Variants in MYOF observed in about 807,000 individuals in gnomAD.
MYOF encodes fer-1-like 3, myoferlin.
Under a neutral mutation model 284.2 loss-of-function variants are expected in MYOF, and 244 were observed. The observed-to-expected ratio is 0.86, with a 90% CI of 0.77 to 0.95. The LOEUF is 0.95. Ranked by LOEUF, MYOF falls within the 40% of genes least tolerant of loss-of-function variation. The pLI, the probability that MYOF is intolerant of heterozygous loss-of-function variation, is 0.00. For synonymous variants in MYOF, 904 were observed against 919.7 expected (o/e 0.98, Z 0.31); for missense variants, 2,496 against 2,560.6 (o/e 0.97, Z 0.54).
intron 5 of MYOF, among the ~76,000 whole-genome samples, chr10:93,420,182 C>T (rs1273772899): frequency 6.6e-6 from 1 of 152,180 alleles, no homozygotes; most frequent in Non-Finnish European, 1.5e-5. Context: ...GCAGTGAAGT[C>T]TGGCTATGAA....
intron 48 of MYOF, among the ~76,000 whole-genome samples, chr10:93,322,482 A>G (rs1842885699): frequency 6.6e-6 from 1 of 152,228 alleles, no homozygotes; most frequent in South Asian, 2.1e-4. Context: ...CGCAACATCT[A>G]TGATCGAGGC....
rs781299458 is a variant in MYOF at position 93,329,820 on chromosome 10, C to G, written c.4826G>C (p.Ser1609Thr). 7 of 1,614,154 alleles carry G rather than the reference C, an allele frequency of 4.3e-6. No homozygotes were observed. The Admixed American group carries it at 1.2e-4, about 27-fold the overall frequency. Residue 1609 changes from serine (S) to threonine (T), a missense_variant, in exon 44 of 54, where the codon AGC becomes ACC. Ser to Thr is a moderately conservative substitution (Grantham distance 58). Coordinates refer to ENST00000359263, the MANE Select transcript of MYOF (RefSeq NM_013451.4). The stretch of plus-strand genomic sequence containing the variant: ...GTCTTTTTCTTGAGGTAAGTAGCAG[C>G]TCAGTTCGTACATCCTAAATAAACA... Reference protein sequence around the residue: ...NPVFGRMYELSCYLPQEKDLK... With the variant: ...NPVFGRMYELTCYLPQEKDLK...
In MYOF at chr10:93,347,728, G is replaced by A. The variant is rs946669732; in HGVS notation, c.4138C>T (p.His1380Tyr). ...MPPLVIKVID[H>Y]RQFGRKPVVG... Reference sequence around the variant, plus strand: ...ACAGGCTTCCGCCCAAACTGCCTGTGGTCGATGACCTTGATCACCAGTGGG... The same window carrying A: ...ACAGGCTTCCGCCCAAACTGCCTGTAGTCGATGACCTTGATCACCAGTGGG... Residue 1380 changes from histidine to tyrosine, a missense_variant, in exon 37 of 54, where the codon CAC becomes TAC. Around this residue, in one of 3 missense-constraint regions of MYOF, gnomAD observed 2,436 missense variants for 2,480.7 expected, o/e 0.98. Coordinates refer to ENST00000359263, the MANE Select transcript of MYOF (RefSeq NM_013451.4). 1.2e-6 allele frequency: 2 copies of A among 1,614,136 alleles called. No homozygotes were observed. Among genetic ancestry groups the A allele is most frequent in the Non-Finnish European group, 1.7e-6 (2 of 1,180,026 alleles).
Position 93,456,876 on chromosome 10 carries a change from A to C in MYOF, c.144+6T>G, listed in dbSNP as rs780353918. The C allele has an allele frequency of 3.1e-6, 5 of 1,597,702 alleles. No homozygotes were observed. Among genetic ancestry groups the C allele is most frequent in the Non-Finnish European group, 4.3e-6 (5 of 1,170,234 alleles). On this transcript the variant is annotated splice_donor_region_variant and intron_variant, in intron 2 of 53. Coordinates refer to ENST00000359263, the MANE Select transcript of MYOF (RefSeq NM_013451.4). Reference sequence around the variant, plus strand: ...TAAAACAAAGTTGAAAAAACAATGAAGTCACCTCATTCCAGACAGGGTTCA... The same window carrying C: ...TAAAACAAAGTTGAAAAAACAATGACGTCACCTCATTCCAGACAGGGTTCA...
intron 1 of MYOF, among the ~76,000 whole-genome samples, chr10:93,469,265 G>A (rs1389352997): frequency 6.6e-6 from 1 of 152,122 alleles, no homozygotes; most frequent in Non-Finnish European, 1.5e-5. Context: ...GCCGGGCATG[G>A]TGGTGCACTC....
intron 51 of MYOF, among the ~76,000 whole-genome samples, chr10:93,311,361 G>A (rs1817312346): frequency 6.6e-6 from 1 of 151,698 alleles, no homozygotes; most frequent in African/African-American, 2.4e-5. Flanking sequence ...TGTAATCCCA[G>A]TGCTTTGGGA....
chr10:93,324,694 G>A (rs1409109448), intron 46 of MYOF: 1 of 152,188 alleles, frequency 6.6e-6, no homozygotes, highest in African/African-American at 2.4e-5. Flanking sequence ...AACCTAGAAA[G>A]CCCAGGCCAA....
intron 22 of MYOF, 59 bp downstream of exon 22, chr10:93,377,264 A>T (rs750679602): frequency 3.6e-4 from 427 of 1,175,480 alleles, no homozygotes; most frequent in Non-Finnish European, 4.9e-4. Context: ...TTACAGTCTT[A>T]GAATTTCAGG....
chr10:93,404,114 C>G, intron 8 of MYOF, 41 bp from the exon 9 acceptor site: 1 of 1,613,984 alleles, frequency 6.2e-7, no homozygotes. Context: ...TTGGCTTTGC[C>G]TGGCAGTGAG....
intron 3 of MYOF, among the ~76,000 whole-genome samples, chr10:93,434,802 T>C (rs1225034497): frequency 6.6e-6 from 1 of 152,214 alleles, no homozygotes; most frequent in Non-Finnish European, 1.5e-5. Flanking sequence ...TAGGCTTTTT[T>C]ACAGGAGTAT....
intron 38 of MYOF, 125 bp downstream of exon 38, chr10:93,343,731 A>G (rs537394663): frequency 9.3e-6 from 9 of 963,582 alleles, no homozygotes; most frequent in East Asian, 4.9e-5. Context: ...TCAGTCCTCA[A>G]TAAATGGATT....
chr10:93,445,078 A>G (rs61867761), intron 3 of MYOF, among the ~76,000 whole-genome samples: 27,347 of 152,260 alleles, frequency 0.18, 2,913 homozygotes, highest in Middle Eastern at 0.27. Context: ...ATACACTGAT[A>G]TTGAGAATTA....
At chr10:93,332,107 C>T (rs772720962) in intron 43 of MYOF, among the ~76,000 whole-genome samples, 27 of 152,118 alleles carry the variant, frequency 1.8e-4, no homozygotes, top group Non-Finnish European at 3.1e-4. Flanking sequence ...CCTGTACAGT[C>T]GGGTTGGTAA....
intron 45 of MYOF, among the ~76,000 whole-genome samples, chr10:93,328,088 C>T (rs116072656): frequency 1.4e-3 from 215 of 152,230 alleles, no homozygotes; most frequent in African/African-American, 5.0e-3. Context: ...TCGTTTTTTA[C>T]AATGTCACGA....
Position 93,359,896 on chromosome 10 carries a change from T to C in MYOF, c.3057A>G (p.Arg1019=). ...TGCGTTTTCGGACCAGCCTTCGCCG[T>C]CTATGAGTGTGGTACATTTTCTCTG... ...VAAEKMYHTH[R]RRRLVRKRKK... Residue 1019 remains arginine (R), a synonymous_variant, in exon 29 of 54, where the codon AGA becomes AGG. Transcript: ENST00000359263. 1.9e-6 allele frequency: 3 copies of C among 1,614,128 alleles called. No individual in the cohort carries two copies. In the South Asian group the frequency reaches 3.3e-5, roughly 18 times the overall value.
At chr10:93,338,920 A>G (rs1015156207) in intron 39 of MYOF, among the ~76,000 whole-genome samples, 1 of 149,658 alleles carries the variant, frequency 6.7e-6, no homozygotes, top group Non-Finnish European at 1.5e-5. Flanking sequence ...TGGAAATAAT[A>G]ACGCCAAAAA....
chr10:93,411,526 C>T (rs11187416), intron 5 of MYOF, among the ~76,000 whole-genome samples: 11,772 of 152,226 alleles, frequency 0.077, 1,393 homozygotes, highest in East Asian at 0.64. Flanking sequence ...ATTCAGACCA[C>T]TGCAATTGGA....
At chr10:93,447,024 G>C (rs970662961) in intron 3 of MYOF, among the ~76,000 whole-genome samples, 4 of 152,082 alleles carry the variant, frequency 2.6e-5, no homozygotes, top group African/African-American at 9.7e-5. Flanking sequence ...GCCTCGTTTG[G>C]TCTTTATACT....
Position 93,333,219 on chromosome 10 carries a change from A to C in MYOF, c.4811+2T>G. 6.2e-7 allele frequency: 1 copy of C among 1,612,408 alleles called. No homozygotes were observed. The highest frequency in any genetic ancestry group is 8.5e-7 in the Non-Finnish European group (1 of 1,178,388). Reference sequence around the variant, plus strand: ...AGAAAAACATTTAAGAATGTATATTACCTGCCAAAGACTGGGTTGAGAGTG... The same window carrying C: ...AGAAAAACATTTAAGAATGTATATTCCCTGCCAAAGACTGGGTTGAGAGTG... On this transcript the variant is annotated splice_donor_variant, in intron 43 of 53. Coordinates refer to ENST00000359263, the MANE Select transcript of MYOF (RefSeq NM_013451.4). LOFTEE classifies it high-confidence loss of function.
Sources: gnomAD v4.1 joint callset for allele counts (sites outside exome capture counted in the v4.1 genomes callset) on GRCh38, gnomAD v4.1.1 for gene constraint, gnomAD v4.1.1 regional missense constraint, MANE v1.5 for transcripts, NCBI Gene and HGNC (gene_info 2026-07-23, HGNC 2026-07-21) for gene names.